Variants in RNF144A observed in about 807,000 individuals in gnomAD.
The protein encoded by RNF144A is ring finger protein 144A, also known as E3 ubiquitin-protein ligase RNF144A.
In RNF144A, 11 loss-of-function variants were observed where a neutral mutation model predicts 38.7. The ratio of observed to expected loss-of-function variants is 0.28; its 90% CI spans 0.18 to 0.47. RNF144A has a LOEUF of 0.47. Ranked by LOEUF, RNF144A falls within the 20% of genes least tolerant of loss-of-function variation. RNF144A has a pLI of 0.99. For synonymous variants in RNF144A, 149 were observed against 143.9 expected (o/e 1.04, Z -0.25); for missense variants, 316 against 377.2 (o/e 0.84, Z 1.34).
chr2:7,034,545 G>A lies in RNF144A; in HGVS notation c.747+4330G>A, dbSNP rs114308265. Among the ~76,000 whole-genome samples, 426 of 152,308 alleles carry A rather than the reference G, an allele frequency of 2.8e-3. 2 individuals carry two copies. Among genetic ancestry groups the A allele is most frequent in the African/African-American group, 9.9e-3 (413 of 41,562 alleles). On this transcript the variant is annotated intron_variant, in intron 8 of 8. Transcript: ENST00000320892. ...CCCTGTCCTTCCTCCGGGCTGCTAC[G>A]GCACTGAGCGTGCTCCCAAGTGCAG...
chr2:7,017,803 G>A (rs2103424587), intron 5 of RNF144A, among the ~76,000 whole-genome samples: 1 of 152,302 alleles, frequency 6.6e-6, no homozygotes, highest in Non-Finnish European at 1.5e-5. Flanking sequence ...CTGGGGCCAT[G>A]TTCACAGGGT....
chr2:6,924,299 C>T (rs1171509198), intron 1 of RNF144A, among the ~76,000 whole-genome samples: 1 of 152,236 alleles, frequency 6.6e-6, no homozygotes, highest in Non-Finnish European at 1.5e-5. Flanking sequence ...GGCCGTGTTG[C>T]TGGGGGGCCC....
rs982244090 is a variant in RNF144A at position 7,020,114 on chromosome 2, C to T, written c.302-359C>T. ...GCGCCATGTGCATTGCTCAGAGAAA[C>T]CCGACAGGCAGGTGGGCCAAGCTTT... On this transcript the variant is annotated intron_variant, in intron 5 of 8. Coordinates refer to ENST00000320892, the MANE Select transcript of RNF144A (RefSeq NM_014746.6). Among the ~76,000 whole-genome samples, 4 of 152,194 alleles carry T rather than the reference C, an allele frequency of 2.6e-5. No individual in the cohort carries two copies. In the East Asian group the frequency reaches 5.8e-4, roughly 22 times the overall value.
At position 7,043,615 on chromosome 2, in the gene RNF144A, C is replaced by G. The variant is rs1043628001; in HGVS notation, c.*3855C>G. The stretch of plus-strand genomic sequence containing the variant: ...AATAAACAAAATGAAGGGATTATGA[C>G]AGGTATTACCAAAAACACCAAAAGG... On this transcript the variant is annotated 3_prime_UTR_variant, in exon 9 of 9. Coordinates refer to ENST00000320892, the MANE Select transcript of RNF144A (RefSeq NM_014746.6). The G allele has an allele frequency of 3.0e-6, 3 of 985,526 alleles. No homozygotes were observed. The highest frequency in any genetic ancestry group is 1.7e-5 in the African/African-American group (1 of 57,332). 61.0% of individuals were successfully genotyped at this position (985,526 alleles called of 1,614,324 possible).
chr2:7,070,468 A>G (rs1674425448), downstream of RNF144A, among the ~76,000 whole-genome samples: 1 of 152,214 alleles, frequency 6.6e-6, no homozygotes, highest in South Asian at 2.1e-4. Context: ...GCTTTCTACT[A>G]CTAGTATGAG....
downstream of RNF144A, among the ~76,000 whole-genome samples, chr2:7,047,244 A>ATGTGTGAGTGTGCATGTGTGTCTATG (rs1366904408): frequency 2.1e-4 from 32 of 150,878 alleles, no homozygotes; most frequent in African/African-American, 7.1e-4. Flanking sequence ...TATGAAGTAC[A>ATGTGTGAGTGTGCATGTGTGTCTATG]TGTGTGAGTG....
intron 2 of RNF144A, among the ~76,000 whole-genome samples, chr2:6,978,092 AG>A (rs1333342472): frequency 6.6e-6 from 1 of 152,110 alleles, no homozygotes; most frequent in African/African-American, 2.4e-5. Context: ...AGACCAGGAG[AG>A]GAGAGGAGGT....
chr2:6,945,957 G>A (rs535301253), intron 2 of RNF144A, among the ~76,000 whole-genome samples: 1 of 152,278 alleles, frequency 6.6e-6, no homozygotes, highest in South Asian at 2.1e-4. Flanking sequence ...CCATCAGGAG[G>A]AGGTAGAATC....
chr2:7,025,902 T>A, intron 7 of RNF144A, among the ~76,000 whole-genome samples: 1 of 152,172 alleles, frequency 6.6e-6, no homozygotes. Context: ...GGGCGGACAG[T>A]CAGAGCAAGT....
chr2:7,041,793 C>G lies in RNF144A; in HGVS notation c.*2033C>G, dbSNP rs555710959. The stretch of plus-strand genomic sequence containing the variant: ...AAATTGCTGCTGCCCATCGCATGAG[C>G]CCACACAGTAGCACCCCCGTCCTTA... On this transcript the variant is annotated 3_prime_UTR_variant, in exon 9 of 9. Coordinates refer to ENST00000320892, the MANE Select transcript of RNF144A (RefSeq NM_014746.6). 4.4e-5 allele frequency: 43 copies of G among 985,604 alleles called. No homozygotes were observed. In the African/African-American group the frequency reaches 7.1e-4, roughly 16 times the overall value. The allele number at this position is 985,604 out of a possible 1,614,324, so 61.1% of individuals were successfully genotyped here. A position where few individuals can be genotyped will look rare whatever the true frequency, so the allele number is the denominator to read the frequency against.
chr2:6,940,804 G>A (rs1572226720), intron 1 of RNF144A, 144 bp from the exon 2 acceptor site: 1 of 152,156 alleles, frequency 6.6e-6, no homozygotes, highest in Non-Finnish European at 1.5e-5. Flanking sequence ...TTTTTCTCCA[G>A]TTTACTATTA....
intron 5 of RNF144A, among the ~76,000 whole-genome samples, chr2:7,017,020 C>T (rs931565974): frequency 1.3e-5 from 2 of 152,196 alleles, no homozygotes; most frequent in Admixed American, 1.3e-4. Context: ...TCATTCTGAA[C>T]ACCTCCTCAC....
At chr2:7,027,364 ATGT>A (rs1206840685) in intron 7 of RNF144A, among the ~76,000 whole-genome samples, 1 of 152,242 alleles carries the variant, frequency 6.6e-6, no homozygotes, top group Non-Finnish European at 1.5e-5. Flanking sequence ...TAGATAGTTA[ATGT>A]TTATCGAGGT....
At chr2:6,923,021 G>T (rs1664642059) in intron 1 of RNF144A, among the ~76,000 whole-genome samples, 1 of 152,192 alleles carries the variant, frequency 6.6e-6, no homozygotes, top group Non-Finnish European at 1.5e-5. Flanking sequence ...CTCCGTCGCT[G>T]ACTGGTCTGC....
chr2:7,022,481 A>G (rs958974584), intron 6 of RNF144A, among the ~76,000 whole-genome samples: 4 of 152,210 alleles, frequency 2.6e-5, no homozygotes, highest in African/African-American at 9.7e-5. Context: ...ATTCCATGCA[A>G]AATTTTATGC....
chr2:7,039,891 T>C lies in RNF144A; in HGVS notation c.*131T>C. 6.9e-7 allele frequency: 1 copy of C among 1,452,586 alleles called. No homozygotes were observed. Among genetic ancestry groups the C allele is most frequent in the Non-Finnish European group, 9.1e-7 (1 of 1,102,266 alleles). The allele number at this position is 1,452,586 out of a possible 1,614,324, so 90.0% of individuals were successfully genotyped here. On this transcript the variant is annotated 3_prime_UTR_variant, in exon 9 of 9. Transcript: ENST00000320892. ...CCCATTGAGCTTCACAGTGTCAGGC[T>C]GGACGCCGTGATTTCAGGGACCTAT...
intron 2 of RNF144A, among the ~76,000 whole-genome samples, chr2:6,987,031 A>G (rs1669005523): frequency 6.6e-6 from 1 of 152,002 alleles, no homozygotes; most frequent in African/African-American, 2.4e-5. Flanking sequence ...TCTGCATCTC[A>G]TTCCCGGATG....
chr2:7,043,504 T>G lies in RNF144A; in HGVS notation c.*3744T>G, dbSNP rs1286583524. The G allele has an allele frequency of 2.0e-6, 2 of 985,608 alleles. No homozygotes were observed. Among genetic ancestry groups the G allele is most frequent in the Non-Finnish European group, 2.4e-6 (2 of 829,856 alleles). The allele number at this position is 985,608 out of a possible 1,614,324, so 61.1% of individuals were successfully genotyped here. Reference sequence around the variant, plus strand: ...ACAAGGAGATCATCAAGGGAAAACATTTTGCATGTGTAAAGCTTCATGAAG... The same window carrying G: ...ACAAGGAGATCATCAAGGGAAAACAGTTTGCATGTGTAAAGCTTCATGAAG... On this transcript the variant is annotated 3_prime_UTR_variant, in exon 9 of 9. Transcript: ENST00000320892.
chr2:7,029,298 G>A (rs539281783), intron 7 of RNF144A, among the ~76,000 whole-genome samples: 1 of 152,352 alleles, frequency 6.6e-6, no homozygotes, highest in African/African-American at 2.4e-5. Flanking sequence ...GAGGCATAGA[G>A]GGCTCGGTAT....
Sources: allele counts gnomAD v4.1 joint callset (sites outside exome capture counted in the v4.1 genomes callset), GRCh38; gene constraint gnomAD v4.1.1; transcripts MANE v1.5; gene names NCBI Gene and HGNC (gene_info 2026-07-23, HGNC 2026-07-21).